NR5A1: variants seen among roughly 807,000 people sequenced by gnomAD.
The protein encoded by NR5A1 is steroidogenic factor 1.
A neutral mutation model predicts 42.7 loss-of-function variants in NR5A1; 6 were observed. The ratio of observed to expected loss-of-function variants is 0.14; its 90% CI spans 0.08 to 0.28. The LOEUF is 0.28. Ranked by LOEUF, NR5A1 falls within the 10% of genes least tolerant of loss-of-function variation. NR5A1 has a pLI of 1.00. For synonymous variants in NR5A1, 274 were observed against 277.5 expected (o/e 0.99, Z 0.12); for missense variants, 442 against 626.4 (o/e 0.71, Z 3.14).
In NR5A1 at chr9:124,498,933, G is replaced by A. The variant is rs1451893451; in HGVS notation, c.870+1157C>T. 1.3e-5 allele frequency among the ~76,000 whole-genome samples: 2 copies of A among 152,120 alleles called. No individual in the cohort carries two copies. Among genetic ancestry groups the A allele is most frequent in the Admixed American group, 6.5e-5 (1 of 15,286 alleles). ...CCACCTACCAGCCAGGGCAGGCAGTGCCCCCAGCCCATCCGGCCTCATGCC... is the reference window on the plus strand; with the variant it reads ...CCACCTACCAGCCAGGGCAGGCAGTACCCCCAGCCCATCCGGCCTCATGCC... On this transcript the variant is annotated intron_variant, in intron 4 of 6. Coordinates refer to ENST00000373588, the MANE Select transcript of NR5A1 (RefSeq NM_004959.5). This position sits in a 1 kb window ranked among gnomAD's most constrained non-coding sequence, Gnocchi z 4.6.
At chr9:124,483,054 C>T (rs1449378860) in intron 6 of NR5A1, 49 bp from the exon 7 acceptor site, 1 of 1,610,324 alleles carries the variant, frequency 6.2e-7, no homozygotes, top group Non-Finnish European at 8.5e-7. Context: ...CCATGCCCAT[C>T]AGGGCTGGGC....
rs541806556 is a variant in NR5A1 at position 124,496,879 on chromosome 9, G to T, written c.870+3211C>A. 6.6e-6 allele frequency among the ~76,000 whole-genome samples: 1 copy of T among 152,192 alleles called. No individual in the cohort carries two copies. Among genetic ancestry groups the T allele is most frequent in the Admixed American group, 6.5e-5 (1 of 15,290 alleles). On this transcript the variant is annotated intron_variant, in intron 4 of 6. Transcript: ENST00000373588. The surrounding 1 kb of genome is among the most constrained non-coding windows in gnomAD (Gnocchi z 5.0). Reference sequence around the variant, plus strand: ...CTTGCATCCTCCCAGCCTGTCCTTCGCAGTAAGTGACGAGAGGCTGACTGC... The same window carrying T: ...CTTGCATCCTCCCAGCCTGTCCTTCTCAGTAAGTGACGAGAGGCTGACTGC...
At chr9:124,494,951 C>T (rs1201715748) in intron 4 of NR5A1, among the ~76,000 whole-genome samples, 1 of 152,208 alleles carries the variant, frequency 6.6e-6, no homozygotes, top group African/African-American at 2.4e-5. Flanking sequence ...AGAAGCACCC[C>T]GCTCTCTGTT....
Position 124,504,051 on chromosome 9 carries a change from A to AGAGAGAG in NR5A1, c.-15-642_-15-641insCTCTCTC, listed in dbSNP as rs879911122. On this transcript the variant is annotated intron_variant, in intron 1 of 6. Coordinates refer to ENST00000373588, the MANE Select transcript of NR5A1 (RefSeq NM_004959.5). ...GAGAGAGAGAGAGAGAGAGAGAGAG[A>AGAGAGAG]CGAGAGAGAGAGAGAGAGAGAGAAA... Among the ~76,000 whole-genome samples, 904 of 126,578 alleles carry AGAGAGAG rather than the reference A, an allele frequency of 7.1e-3. 126 individuals are homozygous for AGAGAGAG. The highest frequency in any genetic ancestry group is 0.03 in the African/African-American group (731 of 24,248). 83.0% of individuals were successfully genotyped at this position (126,578 alleles called of 152,430 possible). A position where few individuals can be genotyped will look rare whatever the true frequency, so the allele number is the denominator to read the frequency against.
At chr9:124,499,237 G>A (rs1277717314) in intron 4 of NR5A1, among the ~76,000 whole-genome samples, 2 of 152,200 alleles carry the variant, frequency 1.3e-5, no homozygotes, top group Non-Finnish European at 2.9e-5. Flanking sequence ...GGCTCTTCAA[G>A]CCACTAGGTG....
At position 124,493,071 on chromosome 9, in the gene NR5A1, G is replaced by T; in HGVS notation, c.949C>A (p.His317Asn). ...VFDHIYRQVQHGKEGSILLVT... is the reference protein window; with the variant it reads ...VFDHIYRQVQNGKEGSILLVT... ...AGCAGGATGCTGCCCTCCTTGCCGT[G>T]CTGGACCTGGCGGTAGATGTGGTCG... The change falls in exon 5 of 7, where the codon CAC becomes AAC. Residue 317 changes from histidine (H) to asparagine (N), a missense_variant. Transcript: ENST00000373588. 1 of 1,610,492 alleles carries T rather than the reference G, an allele frequency of 6.2e-7. No homozygotes were observed. The highest frequency in any genetic ancestry group is 1.1e-5 in the South Asian group (1 of 90,564).
Position 124,503,484 on chromosome 9 carries a change from C to A in NR5A1, c.-15-74G>T. On this transcript the variant is annotated intron_variant, in intron 1 of 6. Transcript: ENST00000373588. This position sits in a 1 kb window ranked among gnomAD's most constrained non-coding sequence, Gnocchi z 9.6. ...GGGGTCCCCGCGGCCGCCGCCCCAGCCGCTGTCGCCGGCCCGTCGCGTAAT... is the reference window on the plus strand; with the variant it reads ...GGGGTCCCCGCGGCCGCCGCCCCAGACGCTGTCGCCGGCCCGTCGCGTAAT... 2 of 1,242,240 alleles carry A rather than the reference C, an allele frequency of 1.6e-6. No homozygotes were observed. The highest frequency in any genetic ancestry group is 2.2e-6 in the Non-Finnish European group (2 of 899,812). The allele number at this position is 1,242,240 out of a possible 1,614,324, so 77.0% of individuals were successfully genotyped here.
chr9:124,483,064 C>T, intron 6 of NR5A1, 59 bp from the exon 7 acceptor site: 1 of 1,608,508 alleles, frequency 6.2e-7, no homozygotes, highest in Non-Finnish European at 8.5e-7. Context: ...CAGGGCTGGG[C>T]CAACACCGTC....
intron 1 of NR5A1, among the ~76,000 whole-genome samples, chr9:124,504,845 C>G (rs1438551337): frequency 2.7e-5 from 4 of 146,090 alleles, no homozygotes; most frequent in Non-Finnish European, 6.1e-5. Flanking sequence ...GCGGGGCTGG[C>G]GGCGCGGGGG....
intron 6 of NR5A1, among the ~76,000 whole-genome samples, 190 bp from the exon 7 acceptor site, chr9:124,483,195 G>A (rs1832156570): frequency 6.6e-6 from 1 of 152,168 alleles, no homozygotes; most frequent in Admixed American, 6.5e-5. Context: ...TGTCACCCTG[G>A]TTGACAAACA....
chr9:124,493,388 G>A (rs1832345116), intron 4 of NR5A1, among the ~76,000 whole-genome samples: 1 of 152,198 alleles, frequency 6.6e-6, no homozygotes, highest in South Asian at 2.1e-4. Flanking sequence ...TCTTTTGTAT[G>A]ACTTTACGTA....
intron 5 of NR5A1, among the ~76,000 whole-genome samples, chr9:124,492,301 T>C (rs1005938703): frequency 6.7e-6 from 1 of 149,568 alleles, no homozygotes; most frequent in East Asian, 2.0e-4. Context: ...TCCGTGGCTG[T>C]GCCCCCGTGT....
chr9:124,500,020 A>C lies in NR5A1; in HGVS notation c.870+70T>G. ...GGAAGGATGGCCCTATCCAAAGGAC[A>C]GTCGGGCTAAGGCTTGGGCAGCCGG... is the stretch of plus-strand genomic sequence containing the variant. On this transcript the variant is annotated intron_variant, in intron 4 of 6. Coordinates refer to ENST00000373588, the MANE Select transcript of NR5A1 (RefSeq NM_004959.5). The surrounding 1 kb of genome is among the most constrained non-coding windows in gnomAD (Gnocchi z 6.9). 1.2e-6 allele frequency: 2 copies of C among 1,609,438 alleles called. No individual in the cohort carries two copies. Among genetic ancestry groups the C allele is most frequent in the Non-Finnish European group, 1.7e-6 (2 of 1,177,070 alleles).
In NR5A1 at chr9:124,497,045, G is replaced by A. The variant is rs560389798; in HGVS notation, c.870+3045C>T. Among the ~76,000 whole-genome samples, 3 of 152,288 alleles carry A rather than the reference G, an allele frequency of 2.0e-5. No homozygotes were observed. In the East Asian group the frequency reaches 5.8e-4, roughly 29 times the overall value. ...AACAATCGTGTGCTCAGAGGAGCTT[G>A]GGTCCAATGTGTCTCTCCCTGCTGC... On this transcript the variant is annotated intron_variant, in intron 4 of 6. Coordinates refer to ENST00000373588, the MANE Select transcript of NR5A1 (RefSeq NM_004959.5).
chr9:124,497,365 A>C (rs577709782), intron 4 of NR5A1, among the ~76,000 whole-genome samples: 11 of 152,298 alleles, frequency 7.2e-5, no homozygotes, highest in African/African-American at 2.6e-4. Flanking sequence ...CTAGTCTTTG[A>C]TATTCACTTC....
chr9:124,497,446 AC>A (rs1161521517), intron 4 of NR5A1, among the ~76,000 whole-genome samples: 1 of 152,120 alleles, frequency 6.6e-6, no homozygotes, highest in East Asian at 1.9e-4. Flanking sequence ...GGACCCCCAT[AC>A]CAGCTGGGAA....
At chr9:124,492,374 G>A (rs1435941209) in intron 5 of NR5A1, among the ~76,000 whole-genome samples, 2 of 150,592 alleles carry the variant, frequency 1.3e-5, no homozygotes, top group African/African-American at 2.5e-5. Flanking sequence ...ATACCACCTG[G>A]CCATGTCCCT....
rs540155773 is a variant in NR5A1, at chr9:124,503,066, G to A, written c.244+13C>T. 92 of 1,562,076 alleles carry A rather than the reference G, an allele frequency of 5.9e-5. No homozygotes were observed. In the South Asian group the frequency reaches 9.8e-4, roughly 17 times the overall value. On this transcript the variant is annotated intron_variant, in intron 3 of 6. Transcript: ENST00000373588. The surrounding 1 kb of genome is among the most constrained non-coding windows in gnomAD (Gnocchi z 9.6). ...TGTGGGGGGTCAGGGGTCGAGGCCC[G>A]CGCGGCGCGCACCTTCCAGGCGCAT...
intron 6 of NR5A1, among the ~76,000 whole-genome samples, chr9:124,486,369 C>T (rs1832209718): frequency 1.3e-5 from 2 of 152,186 alleles, no homozygotes; most frequent in Admixed American, 1.3e-4. Context: ...CAGGGCAGTG[C>T]ATCCCCAGGG....
Sources: allele counts gnomAD v4.1 joint callset (sites outside exome capture counted in the v4.1 genomes callset), GRCh38; gene constraint gnomAD v4.1.1; non-coding constraint Gnocchi (gnomAD v3.1); transcripts MANE v1.5; gene names NCBI Gene and HGNC (gene_info 2026-07-23, HGNC 2026-07-21).